The following SRGAP1 variants were observed in gnomAD, a reference collection of about 807,000 sequenced individuals.
The protein encoded by SRGAP1 is SLIT-ROBO Rho GTPase-activating protein 1.
A neutral mutation model predicts 121.9 loss-of-function variants in SRGAP1; 43 were observed. The observed-to-expected ratio is 0.35, with a 90% confidence interval of 0.28 to 0.46. SRGAP1 has a LOEUF of 0.46. Ranked by LOEUF, SRGAP1 falls within the 20% of genes least tolerant of loss-of-function variation. The pLI is 1.00. For missense variants in SRGAP1, 1,102 were observed against 1,350.9 expected, an observed-to-expected ratio of 0.82 and a Z score of 2.89; for synonymous variants, 447 against 485.4, an observed-to-expected ratio of 0.92 and a Z score of 1.04.
intron 17 of SRGAP1, among the ~76,000 whole-genome samples, 187 bp downstream of exon 17, chr12:64,112,173 T>C (rs564633129): frequency 1.1e-3 from 163 of 152,338 alleles, no homozygotes; most frequent in Non-Finnish European, 2.0e-3. Context: ...TCCCTCTCTT[T>C]TCTCCAAGGA....
chr12:64,037,089 A>G (rs537783436), intron 4 of SRGAP1, among the ~76,000 whole-genome samples: 3 of 152,356 alleles, frequency 2.0e-5, no homozygotes, highest in South Asian at 2.1e-4. Context: ...ACACTTAGCC[A>G]TAGGTGAGAT....
At chr12:64,017,040 A>G (rs772134510) in intron 4 of SRGAP1, 28 bp downstream of exon 4, 13 of 1,332,820 alleles carry the variant, frequency 9.8e-6, no homozygotes, top group Admixed American at 7.8e-5. Context: ...CTTCTTTTCT[A>G]GAATCCTTGG....
chr12:64,105,589 A>G (rs2036331311), intron 15 of SRGAP1, among the ~76,000 whole-genome samples: 2 of 152,114 alleles, frequency 1.3e-5, no homozygotes, highest in Middle Eastern at 3.4e-3. Context: ...TTTGAGACCA[A>G]CCTGGACAAC....
chr12:64,071,367 G>A (rs1450188793), intron 8 of SRGAP1, among the ~76,000 whole-genome samples: 1 of 152,168 alleles, frequency 6.6e-6, no homozygotes, highest in African/African-American at 2.4e-5. Flanking sequence ...GAGCATTTTG[G>A]CATCCATGAT....
chr12:64,070,390 G>A lies in SRGAP1; in HGVS notation c.1125+5171G>A, dbSNP rs540316293. Among the ~76,000 whole-genome samples, 4 of 152,250 alleles carry A rather than the reference G, an allele frequency of 2.6e-5. No individual in the cohort carries two copies. In the East Asian group the frequency reaches 7.7e-4, roughly 29 times the overall value. ...TTTAGGACAGCGTTGGCTTTTAATA[G>A]CGTGCCCCATTTTCAGACCATTTGT... On this transcript the variant is annotated intron_variant, in intron 8 of 21. Transcript: ENST00000355086.
intron 1 of SRGAP1, among the ~76,000 whole-genome samples, chr12:63,941,638 A>G (rs907598074): frequency 8.5e-5 from 13 of 152,058 alleles, no homozygotes; most frequent in Non-Finnish European, 1.3e-4. Context: ...AGTGTTTTGA[A>G]AAAGGACTTA....
intron 1 of SRGAP1, among the ~76,000 whole-genome samples, chr12:63,901,143 A>G (rs1035500851): frequency 3.3e-5 from 5 of 152,190 alleles, no homozygotes; most frequent in African/African-American, 4.8e-5. Context: ...TCAAAGGTTA[A>G]TAGAATTAAG....
chr12:63,962,423 T>G (rs2032669154), intron 1 of SRGAP1, among the ~76,000 whole-genome samples: 1 of 152,188 alleles, frequency 6.6e-6, no homozygotes, highest in African/African-American at 2.4e-5. Context: ...ACATTCTTTT[T>G]TTGAGACAGA....
chr12:63,996,745 G>C (rs1565628886), intron 3 of SRGAP1, among the ~76,000 whole-genome samples: 1 of 152,050 alleles, frequency 6.6e-6, no homozygotes, highest in Non-Finnish European at 1.5e-5. Context: ...TGGCCTCAAG[G>C]GGCAGCTTAA....
At position 64,069,506 on chromosome 12, in the gene SRGAP1, G is replaced by C. The variant is rs184968766; in HGVS notation, c.1125+4287G>C. On this transcript the variant is annotated intron_variant, in intron 8 of 21. Coordinates refer to ENST00000355086, the MANE Select transcript of SRGAP1 (RefSeq NM_020762.4). Reference sequence around the variant, plus strand: ...AGTCTCACGATTCCAACTTCCAGCCGATCTGTCAGTGAATATTCATTAGTG... The same window carrying C: ...AGTCTCACGATTCCAACTTCCAGCCCATCTGTCAGTGAATATTCATTAGTG... Among the ~76,000 whole-genome samples the C allele has an allele frequency of 2.9e-4, 44 of 152,198 alleles. No individual in the cohort carries two copies. In the East Asian group the frequency reaches 6.8e-3, roughly 23 times the overall value.
rs554798617 is a variant in SRGAP1 at position 64,011,616 on chromosome 12, A to G, written c.427-5334A>G. ...TTGGTGAAATTGAATAAAGAAATAA[A>G]TGATTGACTAGTTGGTAGAAAATAG... On this transcript the variant is annotated intron_variant, in intron 3 of 21. Transcript: ENST00000355086. 1.3e-3 allele frequency among the ~76,000 whole-genome samples: 198 copies of G among 152,304 alleles called. 1 individual carries two copies. Among genetic ancestry groups the G allele is most frequent in the African/African-American group, 4.5e-3 (185 of 41,538 alleles).
intron 4 of SRGAP1, among the ~76,000 whole-genome samples, chr12:64,037,519 C>G (rs1392562556): frequency 6.6e-6 from 1 of 152,250 alleles, no homozygotes; most frequent in African/African-American, 2.4e-5. Flanking sequence ...TCACCAACAC[C>G]TATAGAATAC....
chr12:63,851,595 T>C (rs868241538), intron 1 of SRGAP1, among the ~76,000 whole-genome samples: 1 of 145,828 alleles, frequency 6.9e-6, no homozygotes, highest in Non-Finnish European at 1.5e-5. Flanking sequence ...TTCTTTCTTT[T>C]TTTTTTTTTT....
Position 64,142,843 on chromosome 12 carries a change from T to C in SRGAP1, c.*171T>C. 1 of 862,250 alleles carries C rather than the reference T, an allele frequency of 1.2e-6. No homozygotes were observed. The highest frequency in any genetic ancestry group is 1.7e-6 in the Non-Finnish European group (1 of 571,698). The allele number at this position is 862,250 out of a possible 1,614,324, so 53.4% of individuals were successfully genotyped here. On this transcript the variant is annotated 3_prime_UTR_variant, in exon 22 of 22. Coordinates refer to ENST00000355086, the MANE Select transcript of SRGAP1 (RefSeq NM_020762.4). Reference sequence around the variant, plus strand: ...GAGACTAGCTAAATTAACACGGGCATTTGTATTTTGTAATTTTTTTAAATA... The same window carrying C: ...GAGACTAGCTAAATTAACACGGGCACTTGTATTTTGTAATTTTTTTAAATA...
rs181542616 is a variant in SRGAP1, at chr12:63,854,519, A to G, written c.67+9636A>G. On this transcript the variant is annotated intron_variant, in intron 1 of 21. Coordinates refer to ENST00000355086, the MANE Select transcript of SRGAP1 (RefSeq NM_020762.4). ...GGGATACAGATAAAATACAAAATGA[A>G]TTGATAATCCGTGGGTGCACGAGGT... Among the ~76,000 whole-genome samples the G allele has an allele frequency of 6.4e-4, 97 of 152,320 alleles. 1 individual carries two copies. Among genetic ancestry groups the G allele is most frequent in the African/African-American group, 2.3e-3 (94 of 41,586 alleles).
chr12:64,079,122 C>T lies in SRGAP1; in HGVS notation c.1323+6C>T, dbSNP rs773451694. The T allele has an allele frequency of 3.1e-6, 5 of 1,612,742 alleles. No homozygotes were observed. The Admixed American group carries it at 5.0e-5, about 16-fold the overall frequency. On this transcript the variant is annotated splice_donor_region_variant and intron_variant, in intron 9 of 21. Coordinates refer to ENST00000355086, the MANE Select transcript of SRGAP1 (RefSeq NM_020762.4). Reference sequence around the variant, plus strand: ...CTGAACAGTTCTACTTCATGGTGTGCCCGCCACTTCCCAAGCCACTCTACA... The same window carrying T: ...CTGAACAGTTCTACTTCATGGTGTGTCCGCCACTTCCCAAGCCACTCTACA...
rs1280350394 is a variant in SRGAP1, at chr12:64,156,766, T to C, written c.*14094T>C. 1 of 152,180 alleles carries C rather than the reference T, an allele frequency of 6.6e-6. No individual in the cohort carries two copies. The highest frequency in any genetic ancestry group is 1.5e-5 in the Non-Finnish European group (1 of 68,028). The allele number at this position is 152,180 out of a possible 1,614,324, so 9.4% of individuals were successfully genotyped here. ...TACACATGGAAAATCACATTTGCCA[T>C]GTTTTCTATGGCTTTGGGCTGCTGC... On this transcript the variant is annotated 3_prime_UTR_variant, in exon 22 of 22. Coordinates refer to ENST00000355086, the MANE Select transcript of SRGAP1 (RefSeq NM_020762.4).
rs137944506 is a variant in SRGAP1, at chr12:63,965,363, A to G, written c.68-18584A>G. ...CAACAGGCAAATTTATTTTAAAAAG[A>G]TATACAACAAAATGGTAAGTGTATT... On this transcript the variant is annotated intron_variant, in intron 1 of 21. Transcript: ENST00000355086. Among the ~76,000 whole-genome samples the G allele has an allele frequency of 5.2e-3, 798 of 152,364 alleles. 6 individuals are homozygous for G. Among genetic ancestry groups the G allele is most frequent in the African/African-American group, 0.018 (733 of 41,584 alleles).
intron 1 of SRGAP1, among the ~76,000 whole-genome samples, chr12:63,854,013 T>C (rs1001227104): frequency 6.6e-6 from 1 of 152,214 alleles, no homozygotes; most frequent in African/African-American, 2.4e-5. Context: ...GCTTGCTTCT[T>C]TGCTTGCTTG....
Sources: gnomAD v4.1 joint callset for allele counts (sites outside exome capture counted in the v4.1 genomes callset) on GRCh38, gnomAD v4.1.1 for gene constraint, MANE v1.5 for transcripts, NCBI Gene and HGNC (gene_info 2026-07-23, HGNC 2026-07-21) for gene names.